The following ICAM1 variants were observed in gnomAD, a reference collection of about 807,000 sequenced individuals.
The protein encoded by ICAM1 is ICAM-1.
In ICAM1, 28 loss-of-function variants were observed where a neutral mutation model predicts 42.3. The observed-to-expected ratio is 0.66, with a 90% CI of 0.49 to 0.91. ICAM1 has a LOEUF of 0.91. Ranked by LOEUF, ICAM1 falls within the 40% of genes least tolerant of loss-of-function variation. The probability of loss-of-function intolerance (pLI) is 0.00; values close to 1 mark genes in which losing one functional copy is unlikely to be tolerated. For synonymous variants in ICAM1, 304 were observed against 305.9 expected, an observed-to-expected ratio of 0.99 and a Z score of 0.07; for missense variants, 637 against 688.6, an observed-to-expected ratio of 0.93 and a Z score of 0.84.
At chr19:10,285,062 C>T (rs1262110848) in intron 6 of ICAM1, 34 bp downstream of exon 6, 1 of 1,613,508 alleles carries the variant, frequency 6.2e-7, no homozygotes, top group Non-Finnish European at 8.5e-7. Context: ...TGGGTGGGGG[C>T]AGGGGCCATG....
Position 10,281,433 on chromosome 19 carries a change from G to A in ICAM1, c.332-2048G>A, listed in dbSNP as rs564762234. On this transcript the variant is annotated intron_variant, in intron 2 of 6. Coordinates refer to ENST00000264832, the MANE Select transcript of ICAM1 (RefSeq NM_000201.3). Reference sequence around the variant, plus strand: ...CACCATGCCCCAGCCTTGCTTTCTTGAGATACGATTTAGAATACCATAAGA... The same window carrying A: ...CACCATGCCCCAGCCTTGCTTTCTTAAGATACGATTTAGAATACCATAAGA... 1.1e-4 allele frequency among the ~76,000 whole-genome samples: 17 copies of A among 151,774 alleles called. No homozygotes were observed. The South Asian group carries it at 3.5e-3, about 32-fold the overall frequency.
At chr19:10,278,556 T>TTTG (rs2040032827) in intron 2 of ICAM1, among the ~76,000 whole-genome samples, 1 of 89,262 alleles carries the variant, frequency 1.1e-5, no homozygotes, top group East Asian at 2.9e-4. Flanking sequence ...GTCTTTTTTT[T>TTTG]TTTTTTTTTT....
Position 10,284,455 on chromosome 19 carries a change from C to T in ICAM1, c.978C>T (p.Thr326=), listed in dbSNP as rs1376700590. The T allele has an allele frequency of 8.7e-6, 14 of 1,613,778 alleles. No homozygotes were observed. Among genetic ancestry groups the T allele is most frequent in the Admixed American group, 1.7e-5 (1 of 59,998 alleles). Residue 326 remains threonine (T), a synonymous_variant, in exon 5 of 7, where the codon ACC becomes ACT. Transcript: ENST00000264832. This position sits in a 1 kb window ranked among gnomAD's most constrained non-coding sequence, Gnocchi z 5.4. ...CGAAGCCAGAGGTCTCAGAAGGGAC[C>T]GAGGTGACAGTGAAGTGTGAGGCCC... ...ILTKPEVSEG[T]EVTVKCEAHP...
In ICAM1 at chr19:10,276,516, G is replaced by A. The variant is rs1391624669; in HGVS notation, c.331+1488G>A. ...GCCAAGATCGTGCCACTGCACTCCA[G>A]CCTGGGCGACAGAGCAAGACTCCAT... On this transcript the variant is annotated intron_variant, in intron 2 of 6. Transcript: ENST00000264832. Among the ~76,000 whole-genome samples, 7 of 137,064 alleles carry A rather than the reference G, an allele frequency of 5.1e-5. 1 individual carries two copies. The Admixed American group carries it at 5.5e-4, about 11-fold the overall frequency. 89.9% of individuals were successfully genotyped at this position (137,064 alleles called of 152,430 possible). A position where few individuals can be genotyped will look rare whatever the true frequency, so the allele number is the denominator to read the frequency against.
chr19:10,283,353 T>C, intron 2 of ICAM1, 128 bp from the exon 3 acceptor site: 2 of 841,760 alleles, frequency 2.4e-6, no homozygotes, highest in Non-Finnish European at 3.6e-6. Context: ...CATTCCTATC[T>C]GCTTAGGTGT....
At chr19:10,272,159 C>T (rs1216208336) in intron 1 of ICAM1, among the ~76,000 whole-genome samples, 5 of 152,156 alleles carry the variant, frequency 3.3e-5, no homozygotes, top group African/African-American at 1.2e-4. Context: ...GTGGTGGGCG[C>T]CTGTGATCCC....
chr19:10,273,739 C>T lies in ICAM1; in HGVS notation c.68-1026C>T, dbSNP rs191042894. Among the ~76,000 whole-genome samples, 1,115 of 151,456 alleles carry T rather than the reference C, an allele frequency of 7.4e-3. 60 individuals carry two copies. The highest frequency in any genetic ancestry group is 0.066 in the Admixed American group (997 of 15,204). The stretch of plus-strand genomic sequence containing the variant: ...AGTATAAAGAACACATGTGGCTGGG[C>T]GTGGTGGTTCACGCCTGTAATCCCA... On this transcript the variant is annotated intron_variant, in intron 1 of 6. Coordinates refer to ENST00000264832, the MANE Select transcript of ICAM1 (RefSeq NM_000201.3).
chr19:10,271,602 C>G (rs1360616254), intron 1 of ICAM1, among the ~76,000 whole-genome samples: 1 of 152,116 alleles, frequency 6.6e-6, no homozygotes, highest in African/African-American at 2.4e-5. Context: ...TACAGTTTCT[C>G]AGCTGTAAAA....
At chr19:10,283,833 C>T (rs1296330413) in intron 3 of ICAM1, 47 bp downstream of exon 3, 2 of 1,535,976 alleles carry the variant, frequency 1.3e-6, no homozygotes, top group South Asian at 1.2e-5. Context: ...GTGGGGTATC[C>T]TGCAATGCGG....
In ICAM1 at chr19:10,284,483, C is replaced by G. The variant is rs772757657; in HGVS notation, c.1006C>G (p.Pro336Ala). 1 of 1,614,060 alleles carries G rather than the reference C, an allele frequency of 6.2e-7. No individual in the cohort carries two copies. Among genetic ancestry groups the G allele is most frequent in the Non-Finnish European group, 8.5e-7 (1 of 1,180,012 alleles). The change falls in exon 5 of 7, where the codon CCT becomes GCT. Residue 336 changes from proline to alanine, a missense_variant. Pro to Ala is a conservative substitution (Grantham distance 27). Transcript: ENST00000264832. This position sits in a 1 kb window ranked among gnomAD's most constrained non-coding sequence, Gnocchi z 5.4. ...GGTGACAGTGAAGTGTGAGGCCCAC[C>G]CTAGAGCCAAGGTGACGCTGAATGG... ...TEVTVKCEAHPRAKVTLNGVP... is the reference protein window; with the variant it reads ...TEVTVKCEAHARAKVTLNGVP...
chr19:10,275,140 G>A (rs1021221275), intron 2 of ICAM1, 112 bp downstream of exon 2: 6 of 1,112,782 alleles, frequency 5.4e-6, no homozygotes, highest in Non-Finnish European at 7.7e-6. Flanking sequence ...GGGTCAAGGA[G>A]GGGCTCCTTG....
chr19:10,281,456 A>G (rs1294665591), intron 2 of ICAM1, among the ~76,000 whole-genome samples: 1 of 152,022 alleles, frequency 6.6e-6, no homozygotes, highest in Non-Finnish European at 1.5e-5. Context: ...GAATACCATA[A>G]GATTCATCCC....
chr19:10,276,602 G>A (rs570309804), intron 2 of ICAM1, among the ~76,000 whole-genome samples: 5 of 150,516 alleles, frequency 3.3e-5, no homozygotes, highest in Admixed American at 1.3e-4. Context: ...CTATTGGAAC[G>A]TAGGAGGTCC....
chr19:10,277,677 G>A (rs1266280723), intron 2 of ICAM1, among the ~76,000 whole-genome samples: 1 of 150,732 alleles, frequency 6.6e-6, no homozygotes, highest in Non-Finnish European at 1.5e-5. Context: ...TAGTAGAGAC[G>A]GGATTTCATC....
At position 10,282,550 on chromosome 19, in the gene ICAM1, C is replaced by T. The variant is rs192815821; in HGVS notation, c.332-931C>T. Among the ~76,000 whole-genome samples the T allele has an allele frequency of 4.4e-3, 669 of 152,018 alleles. 3 individuals are homozygous for T. The highest frequency in any genetic ancestry group is 4.7e-3 in the Admixed American group (72 of 15,250). On this transcript the variant is annotated intron_variant, in intron 2 of 6. Coordinates refer to ENST00000264832, the MANE Select transcript of ICAM1 (RefSeq NM_000201.3). Reference sequence around the variant, plus strand: ...GCGTGAGCCACCGCGCCCTGCCAACCTTTTTTTAATTTTTCTTAGAGATGG... The same window carrying T: ...GCGTGAGCCACCGCGCCCTGCCAACTTTTTTTTAATTTTTCTTAGAGATGG...
At chr19:10,282,957 G>A (rs956184756) in intron 2 of ICAM1, among the ~76,000 whole-genome samples, 1 of 152,036 alleles carries the variant, frequency 6.6e-6, no homozygotes, top group African/African-American at 2.4e-5. Flanking sequence ...AGGTTGCAGT[G>A]AGCCAAGATC....
In ICAM1 at chr19:10,284,250, C is replaced by T; in HGVS notation, c.855C>T (p.Thr285=). Residue 285 remains threonine, a synonymous_variant, in exon 4 of 7, where the codon ACC becomes ACT. Coordinates refer to ENST00000264832, the MANE Select transcript of ICAM1 (RefSeq NM_000201.3). The surrounding 1 kb of genome is among the most constrained non-coding windows in gnomAD (Gnocchi z 5.4). ...SVSVTAEDEG[T]QRLTCAVILG... ...GTGTGACCGCAGAGGACGAGGGCAC[C>T]CAGCGGCTGACGTGTGCAGTAATAC... is the stretch of plus-strand genomic sequence containing the variant. The T allele has an allele frequency of 6.2e-7, 1 of 1,613,996 alleles. No homozygotes were observed. Among genetic ancestry groups the T allele is most frequent in the Non-Finnish European group, 8.5e-7 (1 of 1,180,020 alleles).
chr19:10,273,658 C>T (rs538824336), intron 1 of ICAM1, among the ~76,000 whole-genome samples: 12 of 150,432 alleles, frequency 8.0e-5, no homozygotes, highest in Admixed American at 4.0e-4. Flanking sequence ...GAGGGAGACC[C>T]GTTTAAAAAA....
chr19:10,285,089 C>T (rs1056565285), intron 6 of ICAM1, 26 bp from the exon 7 acceptor site: 12 of 1,613,696 alleles, frequency 7.4e-6, no homozygotes, highest in African/African-American at 6.7e-5. Flanking sequence ...ATGCAATCCT[C>T]ACCGCCTGTT....
Sources: gnomAD v4.1 joint callset for allele counts (sites outside exome capture counted in the v4.1 genomes callset) on GRCh38, gnomAD v4.1.1 for gene constraint, Gnocchi (gnomAD v3.1) non-coding constraint, MANE v1.5 for transcripts, NCBI Gene and HGNC (gene_info 2026-07-23, HGNC 2026-07-21) for gene names.